The following ABHD12 variants were observed in gnomAD, a reference collection of about 807,000 sequenced individuals.
ABHD12 encodes the protein lysophosphatidylserine lipase ABHD12.
In ABHD12, 43 loss-of-function variants were observed where a neutral mutation model predicts 58.3. The observed-to-expected ratio is 0.74, with a 90% CI of 0.58 to 0.95. The LOEUF (loss-of-function observed/expected upper bound fraction) is 0.95. ABHD12 is among the 40% of genes least tolerant of loss of function. The pLI is 0.00. For synonymous variants in ABHD12, 219 were observed against 211.2 expected (o/e 1.04, Z -0.32); for missense variants, 539 against 537.2 (o/e 1.00, Z -0.03).
At chr20:25,323,766 C>A (rs2089124461) in intron 2 of ABHD12, among the ~76,000 whole-genome samples, 1 of 152,182 alleles carries the variant, frequency 6.6e-6, no homozygotes, top group East Asian at 1.9e-4. Context: ...TGAGAAGATG[C>A]AAATGAGGGA....
intron 1 of ABHD12, among the ~76,000 whole-genome samples, chr20:25,362,762 A>G (rs1280903063): frequency 2.0e-5 from 3 of 149,164 alleles, no homozygotes; most frequent in East Asian, 4.1e-4. Context: ...ACAACTTCCA[A>G]CTCCCGGGTT....
chr20:25,331,317 A>G (rs1600810662), intron 2 of ABHD12, among the ~76,000 whole-genome samples: 4 of 152,370 alleles, frequency 2.6e-5, no homozygotes, highest in Non-Finnish European at 5.9e-5. Flanking sequence ...AAAAGACCAA[A>G]TCTACGTCTG....
intron 1 of ABHD12, among the ~76,000 whole-genome samples, chr20:25,340,959 C>T (rs2089446730): frequency 6.6e-6 from 1 of 152,174 alleles, no homozygotes; most frequent in Non-Finnish European, 1.5e-5. Flanking sequence ...GAACTGTATA[C>T]TTAGAATCCA....
At chr20:25,315,415 C>G (rs2088942269) in intron 5 of ABHD12, among the ~76,000 whole-genome samples, 2 of 152,160 alleles carry the variant, frequency 1.3e-5, no homozygotes, top group Non-Finnish European at 2.9e-5. Context: ...ATTTTAAGCT[C>G]TTGTCAATTT....
chr20:25,325,585 A>G (rs1349108800), intron 2 of ABHD12, among the ~76,000 whole-genome samples: 1 of 152,198 alleles, frequency 6.6e-6, no homozygotes, highest in East Asian at 1.9e-4. Context: ...AGATGGAGGC[A>G]GAGATTTGAG....
chr20:25,308,529 G>A (rs1472682463), intron 7 of ABHD12, 35 bp from the exon 8 acceptor site: 3 of 1,592,772 alleles, frequency 1.9e-6, no homozygotes, highest in Non-Finnish European at 1.7e-6. Context: ...GTTGAGTTAT[G>A]ATAAAATTGT....
intron 1 of ABHD12, among the ~76,000 whole-genome samples, chr20:25,380,718 T>C (rs2090012113): frequency 6.6e-6 from 1 of 152,168 alleles, no homozygotes; most frequent in African/African-American, 2.4e-5. Flanking sequence ...TTCTAACTCA[T>C]TGCCCAGGTC....
At chr20:25,328,590 A>G (rs2089215583) in intron 2 of ABHD12, among the ~76,000 whole-genome samples, 1 of 152,212 alleles carries the variant, frequency 6.6e-6, no homozygotes, top group African/African-American at 2.4e-5. Context: ...CAAACTGTCC[A>G]AGAGTTCTGA....
intron 1 of ABHD12, among the ~76,000 whole-genome samples, chr20:25,357,690 C>T (rs2146078946): frequency 6.6e-6 from 1 of 152,250 alleles, no homozygotes; most frequent in East Asian, 1.9e-4. Context: ...TTCAATCTCA[C>T]CCATCAACTG....
intron 2 of ABHD12, among the ~76,000 whole-genome samples, chr20:25,336,315 T>C (rs2146026023): frequency 1.3e-5 from 2 of 152,326 alleles, no homozygotes; most frequent in Middle Eastern, 6.8e-3. Flanking sequence ...TTCTTTTTTT[T>C]TTTAGCTAAT....
intron 1 of ABHD12, among the ~76,000 whole-genome samples, chr20:25,375,831 G>A (rs952024655): frequency 2.6e-5 from 4 of 151,804 alleles, no homozygotes; most frequent in African/African-American, 9.7e-5. Context: ...TTTAAAATAT[G>A]TCTATAATTA....
At chr20:25,375,664 T>G (rs113285845) in intron 1 of ABHD12, among the ~76,000 whole-genome samples, 285 of 152,270 alleles carry the variant, frequency 1.9e-3, no homozygotes, top group Middle Eastern at 6.8e-3. Flanking sequence ...TCACTTCCTT[T>G]GTCTGTCACT....
chr20:25,344,231 A>C (rs2089490344), intron 1 of ABHD12, among the ~76,000 whole-genome samples: 1 of 152,240 alleles, frequency 6.6e-6, no homozygotes. Flanking sequence ...AGATAAGAAA[A>C]GGAGATAACA....
At chr20:25,369,759 T>C (rs940745676) in intron 1 of ABHD12, among the ~76,000 whole-genome samples, 3 of 152,132 alleles carry the variant, frequency 2.0e-5, no homozygotes, top group African/African-American at 7.2e-5. Flanking sequence ...CTGGAAAAAC[T>C]TGCTCTTTAA....
At chr20:25,322,065 C>G (rs893561383) in intron 3 of ABHD12, among the ~76,000 whole-genome samples, 6 of 152,024 alleles carry the variant, frequency 3.9e-5, no homozygotes, top group African/African-American at 1.2e-4. Context: ...ATAAATTCAG[C>G]TAGATAAAAG....
At chr20:25,341,219 A>G (rs1305794686) in intron 1 of ABHD12, among the ~76,000 whole-genome samples, 1 of 152,224 alleles carries the variant, frequency 6.6e-6, no homozygotes, top group Non-Finnish European at 1.5e-5. Context: ...AATCAAGCAC[A>G]AGGGCCATGG....
intron 2 of ABHD12, among the ~76,000 whole-genome samples, chr20:25,336,609 G>A (rs76841865): frequency 0.021 from 3,187 of 152,210 alleles, 101 homozygotes; most frequent in African/African-American, 0.072. Context: ...GCAGGGCCAC[G>A]CCACAGACCC....
chr20:25,372,521 A>G (rs2089911556), intron 1 of ABHD12, among the ~76,000 whole-genome samples: 1 of 152,086 alleles, frequency 6.6e-6, no homozygotes, highest in Non-Finnish European at 1.5e-5. Flanking sequence ...CAGCTTTTTT[A>G]TATCTGAAAA....
intron 1 of ABHD12, among the ~76,000 whole-genome samples, chr20:25,346,387 T>C (rs2146050900): frequency 6.6e-6 from 1 of 152,342 alleles, no homozygotes. Flanking sequence ...GATACTACAA[T>C]GGTAAATAAG....
Sources: gnomAD v4.1 joint callset for allele counts (sites outside exome capture counted in the v4.1 genomes callset) on GRCh38, gnomAD v4.1.1 for gene constraint, MANE v1.5 for transcripts, NCBI Gene and HGNC (gene_info 2026-07-23, HGNC 2026-07-21) for gene names.